The following IDO2 variants were observed in gnomAD, a reference collection of about 807,000 sequenced individuals.
IDO2 encodes the protein indoleamine 2,3-dioxygenase-like 1 protein.
Under a neutral mutation model 45.1 loss-of-function variants are expected in IDO2, and 46 were observed. The ratio of observed to expected loss-of-function variants is 1.02; its 90% confidence interval spans 0.80 to 1.30. The LOEUF is 1.30. IDO2 is among the 50% of genes most tolerant of loss of function. IDO2 has a pLI of 0.00. For missense variants in IDO2, 544 were observed against 491.8 expected (o/e 1.11, Z -1.00); for synonymous variants, 218 against 184.9 (o/e 1.18, Z -1.45).
Position 39,995,531 on chromosome 8 carries a change from C to T in IDO2, c.667+5693C>T, listed in dbSNP as rs1802029677. On this transcript the variant is annotated intron_variant, in intron 8 of 10. Coordinates refer to ENST00000502986, the Ensembl canonical transcript of IDO2. Reference sequence around the variant, plus strand: ...TCCTGACCTCAAGTGATCCACCTGCCTCGGCCTCCCAAAGTGCTGGGTGTG... The same window carrying T: ...TCCTGACCTCAAGTGATCCACCTGCTTCGGCCTCCCAAAGTGCTGGGTGTG... Among the ~76,000 whole-genome samples the T allele has an allele frequency of 2.0e-5, 3 of 152,102 alleles. No homozygotes were observed. The South Asian group carries it at 6.2e-4, about 32-fold the overall frequency.
At chr8:39,947,761 A>G (rs1304149811) in intron 1 of IDO2, among the ~76,000 whole-genome samples, 2 of 151,406 alleles carry the variant, frequency 1.3e-5, no homozygotes, top group East Asian at 3.9e-4. Flanking sequence ...TACTAAATAA[A>G]TTAAATTTAT....
chr8:39,943,386 TCTTAAGA>T (rs1807677419), intron 1 of IDO2, among the ~76,000 whole-genome samples: 1 of 151,108 alleles, frequency 6.6e-6, no homozygotes, highest in Admixed American at 6.6e-5. Context: ...AAACAAACAC[TCTTAAGA>T]AATTAGGTGT....
At chr8:39,943,249 T>C (rs1807674662) in intron 1 of IDO2, among the ~76,000 whole-genome samples, 1 of 152,030 alleles carries the variant, frequency 6.6e-6, no homozygotes, top group Non-Finnish European at 1.5e-5. Flanking sequence ...TACAAGCCTG[T>C]AATCCCAGCT....
intron 8 of IDO2, among the ~76,000 whole-genome samples, chr8:39,997,664 G>A (rs888443): frequency 0.74 from 111,762 of 152,000 alleles, 41,336 homozygotes; most frequent in East Asian, 0.92. Context: ...GTCTCAATAA[G>A]TAAATAAATA....
chr8:39,961,270 A>C (rs1807992945), intron 2 of IDO2, among the ~76,000 whole-genome samples: 1 of 150,476 alleles, frequency 6.6e-6, no homozygotes, highest in South Asian at 2.1e-4. Context: ...TTGTGGTTTT[A>C]ACCACAATAT....
exon 7 of IDO2, chr8:39,987,914 C>T (rs1808448865): frequency 6.2e-7 from 1 of 1,611,860 alleles, no homozygotes; most frequent in South Asian, 1.1e-5. Flanking sequence ...AGAGAGCCTG[C>T]ATGGTTTTAT....
intron 7 of IDO2, among the ~76,000 whole-genome samples, chr8:39,989,364 A>C (rs146191290): frequency 1.3e-5 from 2 of 152,006 alleles, no homozygotes; most frequent in Non-Finnish European, 2.9e-5. Flanking sequence ...TTTAAATCTG[A>C]CTTTATATGA....
intron 8 of IDO2, among the ~76,000 whole-genome samples, chr8:39,991,898 C>T (rs377300217): frequency 6.6e-6 from 1 of 152,328 alleles, no homozygotes; most frequent in Middle Eastern, 3.4e-3. Context: ...CCCAGGCCAA[C>T]CTGCTGTGTT....
chr8:39,989,797 T>C, exon 8 of IDO2: 1 of 1,604,394 alleles, frequency 6.2e-7, no homozygotes, highest in Non-Finnish European at 8.5e-7. Flanking sequence ...CGACTGAGAC[T>C]GTCTATTCAG....
At chr8:39,975,928 T>C (rs1488867113) in intron 3 of IDO2, among the ~76,000 whole-genome samples, 1 of 152,212 alleles carries the variant, frequency 6.6e-6, no homozygotes, top group East Asian at 1.9e-4. Context: ...AATCATAGAA[T>C]ATCCTGTATT....
Position 39,951,730 on chromosome 8 carries a change from C to T in IDO2, c.99+2466C>T, listed in dbSNP as rs150087870. ...ACATCTAACCCAATTCAGGAATATC[C>T]TGCCTAGTTCCAAAGGAAGAAAAGA... On this transcript the variant is annotated intron_variant, in intron 2 of 10. Transcript: ENST00000502986. Among the ~76,000 whole-genome samples, 4 of 152,314 alleles carry T rather than the reference C, an allele frequency of 2.6e-5. No homozygotes were observed. In the East Asian group the frequency reaches 7.7e-4, roughly 29 times the overall value.
At chr8:40,014,013 G>A (rs1445553915) in intron 10 of IDO2, among the ~76,000 whole-genome samples, 1 of 152,094 alleles carries the variant, frequency 6.6e-6, no homozygotes, top group Non-Finnish European at 1.5e-5. Context: ...TTTCTGAAAT[G>A]GGGGAGAGAT....
intron 1 of IDO2, among the ~76,000 whole-genome samples, chr8:39,948,281 C>T (rs1807768029): frequency 1.3e-5 from 2 of 152,192 alleles, no homozygotes; most frequent in Admixed American, 1.3e-4. Flanking sequence ...CTATGTTGCT[C>T]AAACTACATA....
chr8:40,016,254 G>T (rs1802386433), exon 11 of IDO2: 2 of 398,042 alleles, frequency 5.0e-6, no homozygotes, highest in Admixed American at 4.4e-5. Flanking sequence ...ATTTTTAGAA[G>T]AATTATTCTC....
In IDO2 at chr8:39,985,475, C is replaced by T. The variant is rs79338092; in HGVS notation, c.435-33C>T. ...AATTGTTCTTTTATTTTTTTTCTCT[C>T]TTGGTGGTCATCAATAACTGAAATT... On this transcript the variant is annotated intron_variant, in intron 5 of 10. Transcript: ENST00000502986. The T allele has an allele frequency of 8.8e-4, 1,364 of 1,541,956 alleles. 19 individuals are homozygous for T. The East Asian group carries it at 0.03, about 34-fold the overall frequency.
At position 39,997,504 on chromosome 8, in the gene IDO2, C is replaced by G. The variant is rs1376179424; in HGVS notation, c.667+7666C>G. On this transcript the variant is annotated intron_variant, in intron 8 of 10. Transcript: ENST00000502986. The stretch of plus-strand genomic sequence containing the variant: ...TGGGCAACATAGCAAAACCCCATCT[C>G]TACAAAAAAATACAAAAATTAGATG... Among the ~76,000 whole-genome samples the G allele has an allele frequency of 4.3e-5, 5 of 116,110 alleles. No homozygotes were observed. The East Asian group carries it at 1.0e-3, about 24-fold the overall frequency. 76.2% of individuals were successfully genotyped at this position (116,110 alleles called of 152,430 possible).
In IDO2 at chr8:39,984,885, G is replaced by A. The variant is rs552046501; in HGVS notation, c.435-623G>A. 1.6e-4 allele frequency: 70 copies of A among 433,548 alleles called. No homozygotes were observed. In the Admixed American group the frequency reaches 1.8e-3, roughly 11 times the overall value. The allele number at this position is 433,548 out of a possible 1,614,324, so 26.9% of individuals were successfully genotyped here. ...ATCAACTAGCTAGAATAAAATGTGG[G>A]GTTGTGGTAAATACAAAAATGTAAG... On this transcript the variant is annotated intron_variant, in intron 5 of 10. Transcript: ENST00000502986.
intron 10 of IDO2, among the ~76,000 whole-genome samples, chr8:40,014,007 T>C (rs1258365205): frequency 6.6e-6 from 1 of 152,142 alleles, no homozygotes; most frequent in East Asian, 1.9e-4. Flanking sequence ...TTCCTTTTTC[T>C]GAAATGGGGG....
chr8:39,979,982 C>T (rs568390894), intron 4 of IDO2, among the ~76,000 whole-genome samples: 1 of 152,166 alleles, frequency 6.6e-6, no homozygotes, highest in African/African-American at 2.4e-5. Context: ...CCGCCACACC[C>T]AGCTAATGTT....
Sources: allele counts gnomAD v4.1 joint callset (sites outside exome capture counted in the v4.1 genomes callset), GRCh38; gene constraint gnomAD v4.1.1; transcripts MANE v1.5; gene names NCBI Gene and HGNC (gene_info 2026-07-23, HGNC 2026-07-21).